Variants in KLF12 observed in about 807,000 individuals in gnomAD.
KLF12 encodes KLF transcription factor 12.
A neutral mutation model predicts 37.8 loss-of-function variants in KLF12; 9 were observed. The observed-to-expected ratio is 0.24, with a 90% CI of 0.14 to 0.42. KLF12 has a LOEUF of 0.42. KLF12 is among the 10% of genes least tolerant of loss of function. KLF12 has a pLI of 1.00. For missense variants in KLF12, 411 were observed against 516.0 expected, an observed-to-expected ratio of 0.80 and a Z score of 1.97; for synonymous variants, 208 against 202.1, an observed-to-expected ratio of 1.03 and a Z score of -0.25.
chr13:73,745,710 A>G (rs1441160217), intron 6 of KLF12, among the ~76,000 whole-genome samples: 1 of 152,180 alleles, frequency 6.6e-6, no homozygotes, highest in African/African-American at 2.4e-5. Context: ...TCTATTAATA[A>G]TCACAAATTT....
At chr13:73,885,305 C>T (rs565391205) in intron 3 of KLF12, among the ~76,000 whole-genome samples, 2 of 152,200 alleles carry the variant, frequency 1.3e-5, no homozygotes, top group Admixed American at 6.5e-5. Context: ...AACTAAGGGG[C>T]TAATCTTTGA....
At chr13:74,008,148 T>G (rs987600007) in intron 1 of KLF12, among the ~76,000 whole-genome samples, 3 of 152,222 alleles carry the variant, frequency 2.0e-5, no homozygotes. Flanking sequence ...TACTTATGAT[T>G]TATACAATTT....
At chr13:73,929,643 G>A (rs1479944105) in intron 3 of KLF12, among the ~76,000 whole-genome samples, 1 of 152,142 alleles carries the variant, frequency 6.6e-6, no homozygotes, top group African/African-American at 2.4e-5. Context: ...GAACAACATG[G>A]GTGGGGCAAA....
At chr13:74,274,206 G>A in the KLF12 span, among the ~76,000 whole-genome samples, 2 of 152,000 alleles carry the variant, frequency 1.3e-5, no homozygotes, top group East Asian at 1.9e-4. Flanking sequence ...TGAAGCTTAA[G>A]CCCACTACTT....
the KLF12 span, among the ~76,000 whole-genome samples, chr13:74,279,058 C>G: frequency 2.0e-5 from 3 of 152,142 alleles, no homozygotes; most frequent in Non-Finnish European, 4.4e-5. Context: ...CTGGAGACAG[C>G]CCGTATCCTT....
In KLF12 at chr13:73,695,366, G is replaced by C; in HGVS notation, c.*124C>G. The C allele has an allele frequency of 3.3e-6, 3 of 913,652 alleles. No individual in the cohort carries two copies. In the South Asian group the frequency reaches 5.1e-5, roughly 15 times the overall value. The allele number at this position is 913,652 out of a possible 1,614,324, so 56.6% of individuals were successfully genotyped here. ...AAGTGTGCCTTCTTTTTCCTGCTCT[G>C]GTTTCAGACATCGTGGGATGGTGAT... On this transcript the variant is annotated 3_prime_UTR_variant, in exon 8 of 8. Coordinates refer to ENST00000377669, the MANE Select transcript of KLF12 (RefSeq NM_007249.5).
chr13:73,704,815 C>T (rs1489138222), intron 7 of KLF12, among the ~76,000 whole-genome samples: 2 of 152,148 alleles, frequency 1.3e-5, no homozygotes, highest in Non-Finnish European at 2.9e-5. Context: ...AGCCTTCTTA[C>T]CACTGTATCC....
chr13:73,837,434 C>T (rs577857796), intron 4 of KLF12, among the ~76,000 whole-genome samples: 317 of 152,258 alleles, frequency 2.1e-3, no homozygotes, highest in Non-Finnish European at 2.9e-3. Flanking sequence ...ACCTCTTGTG[C>T]ATGCCCAGAA....
At chr13:74,280,635 G>C in the KLF12 span, among the ~76,000 whole-genome samples, 2 of 152,110 alleles carry the variant, frequency 1.3e-5, no homozygotes, top group African/African-American at 4.8e-5. Context: ...CTGCAAGTTG[G>C]TGGTAGAAAG....
At chr13:73,930,588 T>C (rs1889619440) in intron 3 of KLF12, among the ~76,000 whole-genome samples, 1 of 152,220 alleles carries the variant, frequency 6.6e-6, no homozygotes, top group Non-Finnish European at 1.5e-5. Context: ...CAATTGTTTT[T>C]AGTAGTTCAT....
chr13:73,868,396 G>GT (rs879320917), intron 3 of KLF12, among the ~76,000 whole-genome samples: 1 of 148,724 alleles, frequency 6.7e-6, no homozygotes, highest in African/African-American at 2.5e-5. Flanking sequence ...TTGTTCGTTT[G>GT]TTTTTTGTTT....
At chr13:74,149,911 A>G in the KLF12 span, among the ~76,000 whole-genome samples, 1 of 152,156 alleles carries the variant, frequency 6.6e-6, no homozygotes, top group African/African-American at 2.4e-5. Flanking sequence ...CTCTGCCCCT[A>G]GATATGTGCT....
intron 1 of KLF12, among the ~76,000 whole-genome samples, chr13:74,025,248 T>C (rs1209335331): frequency 1.3e-5 from 2 of 151,882 alleles, no homozygotes; most frequent in East Asian, 1.9e-4. Flanking sequence ...TCCTTCAATT[T>C]GGCTGTGATA....
chr13:73,853,446 T>G (rs1320952924), intron 3 of KLF12, among the ~76,000 whole-genome samples: 4 of 152,148 alleles, frequency 2.6e-5, no homozygotes, highest in African/African-American at 9.7e-5. Flanking sequence ...TCATGCATTC[T>G]AAAATTGGTA....
intron 3 of KLF12, among the ~76,000 whole-genome samples, chr13:73,896,884 ACTTTC>A (rs1433341086): frequency 6.6e-6 from 1 of 152,146 alleles, no homozygotes; most frequent in Non-Finnish European, 1.5e-5. Flanking sequence ...AACGTTGAAG[ACTTTC>A]CTTTTATTAG....
chr13:73,844,109 T>C (rs956864815), intron 4 of KLF12, among the ~76,000 whole-genome samples: 2 of 152,156 alleles, frequency 1.3e-5, no homozygotes, highest in South Asian at 2.1e-4. Context: ...TTAATTAACT[T>C]TATAATAAAA....
chr13:74,101,994 C>A (rs142418112), intron 1 of KLF12, among the ~76,000 whole-genome samples: 12 of 151,452 alleles, frequency 7.9e-5, no homozygotes, highest in African/African-American at 2.7e-4. Context: ...CCGAGACGGG[C>A]GGATCACAAG....
chr13:73,715,473 A>G lies in KLF12; in HGVS notation c.922T>C (p.Ser308Pro), dbSNP rs199620438. The G allele has an allele frequency of 1.2e-6, 2 of 1,613,942 alleles. No homozygotes were observed. The highest frequency in any genetic ancestry group is 4.5e-5 in the East Asian group (2 of 44,860). Residue 308 changes from serine (S) to proline (P), a missense_variant, in exon 7 of 8, where the codon TCC (serine) becomes CCC (proline). This residue lies in a region of KLF12 where 351 missense variants were observed against 397.8 expected (regional missense o/e 0.88). Transcript: ENST00000377669. The stretch of plus-strand genomic sequence containing the variant: ...ATACGCCGTTTTCTGGAGTCTGGGG[A>G]TTCAGACCGTCTCTGGCGTCTTGTG...
chr13:74,170,456 A>C, the KLF12 span, among the ~76,000 whole-genome samples: 1 of 152,178 alleles, frequency 6.6e-6, no homozygotes, highest in South Asian at 2.1e-4. Flanking sequence ...GAAATATACT[A>C]TCCTTCCTCA....
Sources: allele counts gnomAD v4.1 joint callset (sites outside exome capture counted in the v4.1 genomes callset), GRCh38; gene constraint gnomAD v4.1.1; regional missense constraint gnomAD v4.1.1; transcripts MANE v1.5; gene names NCBI Gene and HGNC (gene_info 2026-07-23, HGNC 2026-07-21).